Variants in ODAD2 observed in about 807,000 individuals in gnomAD.
The protein encoded by ODAD2 is outer dynein arm-docking complex subunit 2.
ODAD2 carries 89 observed loss-of-function variants against 106.8 expected under a neutral mutation model. That is an observed-to-expected ratio of 0.83 (90% CI 0.70 to 0.99). ODAD2 has a LOEUF of 0.99. ODAD2 is among the 50% of genes least tolerant of loss of function. The probability of loss-of-function intolerance (pLI) is 0.00; values close to 1 mark genes in which losing one functional copy is unlikely to be tolerated. For synonymous variants in ODAD2, 404 were observed against 436.2 expected (o/e 0.93, Z 0.92); for missense variants, 1,168 against 1,238.5 (o/e 0.94, Z 0.85).
chr10:27,814,830 C>G (rs931585991), intron 19 of ODAD2, among the ~76,000 whole-genome samples: 4 of 152,194 alleles, frequency 2.6e-5, no homozygotes, highest in African/African-American at 9.7e-5. Flanking sequence ...CTTCCCTGTG[C>G]CTTCACCAAT....
Position 27,981,436 on chromosome 10 carries a change from T to C in ODAD2, c.936+30A>G, listed in dbSNP as rs772823968. ...GTTGTAGTTTAGTAACATAATGCTA[T>C]GAAAGCTCAAAAGAAACCATAAAAC... On this transcript the variant is annotated intron_variant, in intron 7 of 19. Coordinates refer to ENST00000305242, the MANE Select transcript of ODAD2 (RefSeq NM_018076.5). 4 of 1,462,960 alleles carry C rather than the reference T, an allele frequency of 2.7e-6. No individual in the cohort carries two copies. The African/African-American group carries it at 4.4e-5, about 16-fold the overall frequency. The allele number at this position is 1,462,960 out of a possible 1,614,324, so 90.6% of individuals were successfully genotyped here.
At chr10:27,885,551 TATATAAATATAAATATATATATATATAA>T (rs1842050047) in intron 17 of ODAD2, among the ~76,000 whole-genome samples, 1 of 14,312 alleles carries the variant, frequency 7.0e-5, no homozygotes, top group African/African-American at 2.7e-4. Flanking sequence ...TATATATAAA[TATATAAATATAAATATATATATATATAA>T]ATATATAAAT....
intron 17 of ODAD2, among the ~76,000 whole-genome samples, chr10:27,884,962 A>G (rs1179681186): frequency 6.6e-6 from 1 of 152,098 alleles, no homozygotes; most frequent in Non-Finnish European, 1.5e-5. Flanking sequence ...GGTCTGCAAA[A>G]ACTGAGAGAA....
At chr10:27,924,559 T>C (rs1411275728) in intron 16 of ODAD2, among the ~76,000 whole-genome samples, 1 of 95,338 alleles carries the variant, frequency 1.0e-5, no homozygotes, top group Non-Finnish European at 2.2e-5. Context: ...AAATAAAAAA[T>C]TTTCAGAAAA....
rs1044253379 is a variant in ODAD2, at chr10:27,919,941, C to A, written c.2496-12164G>T. Among the ~76,000 whole-genome samples the A allele has an allele frequency of 3.3e-5, 5 of 152,004 alleles. No individual in the cohort carries two copies. The South Asian group carries it at 8.3e-4, about 25-fold the overall frequency. Reference sequence around the variant, plus strand: ...ACTAAACAATTAAGTGTAAAAATAACCCGTAATTTAGAACAAAATGTCAGA... The same window carrying A: ...ACTAAACAATTAAGTGTAAAAATAAACCGTAATTTAGAACAAAATGTCAGA... On this transcript the variant is annotated intron_variant, in intron 16 of 19. Coordinates refer to ENST00000305242, the MANE Select transcript of ODAD2 (RefSeq NM_018076.5).
intron 2 of ODAD2, among the ~76,000 whole-genome samples, chr10:27,989,720 G>C (rs547592643): frequency 6.6e-6 from 1 of 152,142 alleles, no homozygotes; most frequent in South Asian, 2.1e-4. Flanking sequence ...ATGGTGGCAC[G>C]TGCTTTGGTC....
rs776165169 is a variant in ODAD2 at position 27,936,689 on chromosome 10, G to A, written c.2252+37C>T. 5.7e-5 allele frequency: 91 copies of A among 1,609,144 alleles called. No individual in the cohort carries two copies. In the Admixed American group the frequency reaches 7.9e-4, roughly 14 times the overall value. On this transcript the variant is annotated intron_variant, in intron 15 of 19. Coordinates refer to ENST00000305242, the MANE Select transcript of ODAD2 (RefSeq NM_018076.5). The stretch of plus-strand genomic sequence containing the variant: ...ATGACAAGAAGGTGTTTCAGAAGCC[G>A]TATCTTCATTTCAGAATATTGAGAG...
chr10:27,991,499 G>T (rs1037745479), intron 2 of ODAD2, among the ~76,000 whole-genome samples: 1 of 152,274 alleles, frequency 6.6e-6, no homozygotes, highest in Non-Finnish European at 1.5e-5. Flanking sequence ...TCAGAAAAAG[G>T]ATGATCAAAC....
chr10:27,821,556 A>C (rs1278781215), intron 19 of ODAD2, among the ~76,000 whole-genome samples: 1 of 152,230 alleles, frequency 6.6e-6, no homozygotes, highest in East Asian at 1.9e-4. Flanking sequence ...TACTCGCACA[A>C]CAGAAAGTTG....
At chr10:27,933,994 G>A (rs1845786628) in intron 16 of ODAD2, among the ~76,000 whole-genome samples, 1 of 152,134 alleles carries the variant, frequency 6.6e-6, no homozygotes, top group Non-Finnish European at 1.5e-5. Context: ...AGACCCGGTG[G>A]GAGTTAATTG....
chr10:27,920,382 A>T (rs1844690834), intron 16 of ODAD2, among the ~76,000 whole-genome samples: 1 of 152,234 alleles, frequency 6.6e-6, no homozygotes. Context: ...GCCCACTCAC[A>T]GTAAATAGTA....
At chr10:27,943,052 T>C (rs1846569908) in intron 12 of ODAD2, among the ~76,000 whole-genome samples, 1 of 152,292 alleles carries the variant, frequency 6.6e-6, no homozygotes, top group South Asian at 2.1e-4. Flanking sequence ...GACACTAGGA[T>C]GAATAAGGCC....
intron 17 of ODAD2, among the ~76,000 whole-genome samples, chr10:27,864,539 A>AGAGCGGGGAGTGAGGTGAGAGC (rs1840294554): frequency 6.7e-6 from 1 of 149,238 alleles, no homozygotes; most frequent in Non-Finnish European, 1.5e-5. Context: ...GAGTGAGGTG[A>AGAGCGGGGAGTGAGGTGAGAGC]GAGCGGGGAG....
chr10:27,943,125 G>A (rs1310009003), intron 12 of ODAD2, among the ~76,000 whole-genome samples: 2 of 152,194 alleles, frequency 1.3e-5, no homozygotes, highest in African/African-American at 4.8e-5. Context: ...TGAGACACAA[G>A]ATCTATTGAT....
Position 27,913,122 on chromosome 10 carries a change from A to G in ODAD2, c.2496-5345T>C, listed in dbSNP as rs189680018. Among the ~76,000 whole-genome samples, 6 of 152,230 alleles carry G rather than the reference A, an allele frequency of 3.9e-5. No individual in the cohort carries two copies. In the East Asian group the frequency reaches 1.2e-3, roughly 29 times the overall value. ...TCAGAAAAATTATCATATAGTAAAT[A>G]TGTTTCTCCTTTTTTCAACTTTTTA... On this transcript the variant is annotated intron_variant, in intron 16 of 19. Coordinates refer to ENST00000305242, the MANE Select transcript of ODAD2 (RefSeq NM_018076.5).
At chr10:27,906,561 C>T (rs957285376) in intron 17 of ODAD2, among the ~76,000 whole-genome samples, 10 of 152,202 alleles carry the variant, frequency 6.6e-5, no homozygotes, top group South Asian at 2.1e-4. Flanking sequence ...CACATGCACA[C>T]GTATATGTTT....
chr10:27,931,965 C>T (rs1328149071), intron 16 of ODAD2, among the ~76,000 whole-genome samples: 5 of 151,926 alleles, frequency 3.3e-5, no homozygotes, highest in Admixed American at 3.3e-4. Flanking sequence ...ACCTACTGAA[C>T]ATCATAGCTT....
chr10:27,930,281 C>T (rs1219398330), intron 16 of ODAD2, among the ~76,000 whole-genome samples: 1 of 152,146 alleles, frequency 6.6e-6, no homozygotes, highest in African/African-American at 2.4e-5. Flanking sequence ...TGGTGGCTCA[C>T]ACCTATAATC....
chr10:27,892,674 C>T (rs17751027), intron 17 of ODAD2, among the ~76,000 whole-genome samples: 17,608 of 152,270 alleles, frequency 0.12, 1,347 homozygotes, highest in Non-Finnish European at 0.16. Flanking sequence ...AAAAATCCCA[C>T]ATTCCATTTG....
Sources: allele counts gnomAD v4.1 joint callset (sites outside exome capture counted in the v4.1 genomes callset), GRCh38; gene constraint gnomAD v4.1.1; transcripts MANE v1.5; gene names NCBI Gene and HGNC (gene_info 2026-07-23, HGNC 2026-07-21).